FGF9: variants seen among roughly 807,000 people sequenced by gnomAD.
FGF9 encodes fibroblast growth factor 9 (glia-activating factor).
Under a neutral mutation model 19.9 loss-of-function variants are expected in FGF9, and 3 were observed. That is an observed-to-expected ratio of 0.15 (90% CI 0.07 to 0.39). The LOEUF is 0.39. Among genes scored for constraint, FGF9 ranks in the 10% least tolerant of loss-of-function variants. FGF9 has a pLI of 1.00. For synonymous variants in FGF9, 107 were observed against 106.9 expected, an observed-to-expected ratio of 1.00 and a Z score of -0.01; for missense variants, 175 against 256.8, an observed-to-expected ratio of 0.68 and a Z score of 2.18.
rs1161275563 is a variant in FGF9 at position 21,691,589 on chromosome 13, C to A, written c.382-9601C>A. Among the ~76,000 whole-genome samples the A allele has an allele frequency of 6.6e-6, 1 of 152,234 alleles. No individual in the cohort carries two copies. Among genetic ancestry groups the A allele is most frequent in the Non-Finnish European group, 1.5e-5 (1 of 68,040 alleles). On this transcript the variant is annotated intron_variant, in intron 2 of 2. Coordinates refer to ENST00000382353, the MANE Select transcript of FGF9 (RefSeq NM_002010.3). The surrounding 1 kb of genome is among the most constrained non-coding windows in gnomAD (Gnocchi z 4.2). ...TTGCTGACATGTGGAGAGTCCTCCC[C>A]TGTCAGCATCAGCAGCCCCTCCGGG...
At chr13:21,680,451 A>AT (rs1872016790) in intron 1 of FGF9, among the ~76,000 whole-genome samples, 1 of 150,532 alleles carries the variant, frequency 6.6e-6, no homozygotes, top group South Asian at 2.1e-4. Flanking sequence ...TAAACAGAAT[A>AT]CTTTTTTTTT....
intron 1 of FGF9, among the ~76,000 whole-genome samples, chr13:21,675,124 G>A (rs1367218977): frequency 1.3e-5 from 2 of 151,944 alleles, no homozygotes; most frequent in Admixed American, 1.3e-4. Context: ...CGAGCCGCTA[G>A]CTAGCCCGTC....
chr13:21,691,282 T>A lies in FGF9; in HGVS notation c.382-9908T>A, dbSNP rs1454008288. Among the ~76,000 whole-genome samples, 1 of 152,240 alleles carries A rather than the reference T, an allele frequency of 6.6e-6. No individual in the cohort carries two copies. Among genetic ancestry groups the A allele is most frequent in the African/African-American group, 2.4e-5 (1 of 41,466 alleles). On this transcript the variant is annotated intron_variant, in intron 2 of 2. Coordinates refer to ENST00000382353, the MANE Select transcript of FGF9 (RefSeq NM_002010.3). This position sits in a 1 kb window ranked among gnomAD's most constrained non-coding sequence, Gnocchi z 4.2. ...AAGAATTATAATTTGGTGTGATGAATGTTAGAATTATAAACAAAAGGGGCT... is the reference window on the plus strand; with the variant it reads ...AAGAATTATAATTTGGTGTGATGAAAGTTAGAATTATAAACAAAAGGGGCT...
chr13:21,678,087 G>A (rs377684224), intron 1 of FGF9, among the ~76,000 whole-genome samples: 3 of 152,028 alleles, frequency 2.0e-5, no homozygotes, highest in Non-Finnish European at 2.9e-5. Flanking sequence ...GGCTATATCC[G>A]GTTCATCTTT....
intron 2 of FGF9, among the ~76,000 whole-genome samples, chr13:21,683,310 C>T (rs1872085661): frequency 1.3e-5 from 2 of 152,222 alleles, no homozygotes; most frequent in African/African-American, 4.8e-5. Flanking sequence ...GCCTGGCACA[C>T]CCCAGTTCCT....
intron 2 of FGF9, among the ~76,000 whole-genome samples, chr13:21,700,783 A>C (rs1420774259): frequency 2.0e-5 from 3 of 152,226 alleles, no homozygotes; most frequent in African/African-American, 7.2e-5. Context: ...TGGTATGTGC[A>C]AGAGTTTAAC....
chr13:21,697,129 C>G (rs1488854799), intron 2 of FGF9, among the ~76,000 whole-genome samples: 1 of 152,128 alleles, frequency 6.6e-6, no homozygotes, highest in Non-Finnish European at 1.5e-5. Flanking sequence ...ACAAAAAATG[C>G]TGGCTGTAGA....
chr13:21,700,450 C>G (rs781241573), intron 2 of FGF9, among the ~76,000 whole-genome samples: 7 of 152,124 alleles, frequency 4.6e-5, no homozygotes, highest in Non-Finnish European at 8.8e-5. Flanking sequence ...AGGTTTGGGG[C>G]TCAGAAGTCT....
intron 2 of FGF9, among the ~76,000 whole-genome samples, chr13:21,683,740 T>C (rs1343428190): frequency 6.6e-6 from 1 of 152,264 alleles, no homozygotes; most frequent in East Asian, 1.9e-4. Context: ...TTCCGTATTA[T>C]GCTTTCCTTG....
rs1593101690 is a variant in FGF9 at position 21,701,664 on chromosome 13, GAGAGA to G, written c.*234_*238del. The stretch of plus-strand genomic sequence containing the variant: ...TAGGGCCACTTGCTTGATTTATCAT[GAGAGA>G]AGAGGAGAGAGAGAGAGACTGAGCG... On this transcript the variant is annotated 3_prime_UTR_variant, in exon 3 of 3. Transcript: ENST00000382353. The G allele has an allele frequency of 1.9e-6, 1 of 534,500 alleles. No individual in the cohort carries two copies. The highest frequency in any genetic ancestry group is 5.2e-4 in the Middle Eastern group (1 of 1,918). 33.1% of individuals were successfully genotyped at this position (534,500 alleles called of 1,614,324 possible). A position where few individuals can be genotyped will look rare whatever the true frequency, so the allele number is the denominator to read the frequency against.
intron 2 of FGF9, among the ~76,000 whole-genome samples, chr13:21,693,975 T>C (rs1317879058): frequency 6.6e-6 from 1 of 152,206 alleles, no homozygotes; most frequent in East Asian, 1.9e-4. Context: ...ACTGAGTCCC[T>C]TTTTTCATTT....
At chr13:21,678,233 A>G (rs181952464) in intron 1 of FGF9, among the ~76,000 whole-genome samples, 1 of 152,380 alleles carries the variant, frequency 6.6e-6, no homozygotes, top group Admixed American at 6.5e-5. Flanking sequence ...ATATCTTGAT[A>G]TCTTCATTTC....
At chr13:21,700,700 C>T (rs529145872) in intron 2 of FGF9, among the ~76,000 whole-genome samples, 1 of 152,318 alleles carries the variant, frequency 6.6e-6, no homozygotes, top group South Asian at 2.1e-4. Flanking sequence ...GTGGTCACCA[C>T]ATAGCTGCTC....
chr13:21,701,457 A>G lies in FGF9; in HGVS notation c.*22A>G. 1 of 1,614,006 alleles carries G rather than the reference A, an allele frequency of 6.2e-7. No individual in the cohort carries two copies. The highest frequency in any genetic ancestry group is 1.7e-5 in the Admixed American group (1 of 60,026). On this transcript the variant is annotated 3_prime_UTR_variant, in exon 3 of 3. Transcript: ENST00000382353. ...TTGACAAAGACAGTTTCTTCACTTG[A>G]GCCCTTAAAAAAGTAACCACTATAA...
At chr13:21,674,202 A>G (rs921247281) in intron 1 of FGF9, 11 of 152,736 alleles carry the variant, frequency 7.2e-5, no homozygotes, top group African/African-American at 2.2e-4. Context: ...GGGACAGAGG[A>G]CGGGCTGGAG....
chr13:21,701,725 G>A lies in FGF9; in HGVS notation c.*290G>A, dbSNP rs1872549434. The A allele has an allele frequency of 4.9e-6, 2 of 407,566 alleles. No homozygotes were observed. The highest frequency in any genetic ancestry group is 9.3e-6 in the Non-Finnish European group (2 of 215,714). The allele number at this position is 407,566 out of a possible 1,614,324, so 25.2% of individuals were successfully genotyped here. A position where few individuals can be genotyped will look rare whatever the true frequency, so the allele number is the denominator to read the frequency against. ...AGTGTGTGTATGTGTGTGTGTGTGT[G>A]TGTGTGTGTGTGTGTATGTGTGTAG... On this transcript the variant is annotated 3_prime_UTR_variant, in exon 3 of 3. Transcript: ENST00000382353.
Position 21,701,708 on chromosome 13 carries a change from TA to T in FGF9, c.*274del. 2.4e-6 allele frequency: 1 copy of T among 418,198 alleles called. No individual in the cohort carries two copies. The highest frequency in any genetic ancestry group is 4.4e-6 in the Non-Finnish European group (1 of 224,992). 25.9% of individuals were successfully genotyped at this position (418,198 alleles called of 1,614,324 possible). ...AGAGACTGAGCGCTAGGAGTGTGTG[TA>T]TGTGTGTGTGTGTGTGTGTGTGTGT... is the stretch of plus-strand genomic sequence containing the variant. On this transcript the variant is annotated 3_prime_UTR_variant, in exon 3 of 3. Transcript: ENST00000382353.
intron 2 of FGF9, among the ~76,000 whole-genome samples, chr13:21,682,253 T>C (rs575924628): frequency 7.9e-5 from 12 of 152,194 alleles, no homozygotes; most frequent in African/African-American, 2.9e-4. Context: ...CCTCAAGTGA[T>C]CCTCTTGCCT....
intron 2 of FGF9, among the ~76,000 whole-genome samples, chr13:21,682,040 T>C (rs1872054553): frequency 1.3e-5 from 2 of 151,592 alleles, no homozygotes. Flanking sequence ...AGATAGGGTA[T>C]TGCTGTTGCC....
Sources: gnomAD v4.1 joint callset for allele counts (sites outside exome capture counted in the v4.1 genomes callset) on GRCh38, gnomAD v4.1.1 for gene constraint, Gnocchi (gnomAD v3.1) non-coding constraint, MANE v1.5 for transcripts, NCBI Gene and HGNC (gene_info 2026-07-23, HGNC 2026-07-21) for gene names.